Variants in EPS8 observed in about 807,000 individuals in gnomAD.
EPS8 encodes the protein epidermal growth factor receptor kinase substrate 8.
EPS8 carries 42 observed loss-of-function variants against 103.8 expected under a neutral mutation model. The observed-to-expected ratio is 0.40, with a 90% confidence interval of 0.32 to 0.52. The LOEUF is 0.52. EPS8 is among the 20% of genes least tolerant of loss of function. The pLI, the probability that EPS8 is intolerant of heterozygous loss-of-function variation, is 0.40. For synonymous variants in EPS8, 344 were observed against 344.6 expected, an observed-to-expected ratio of 1.00 and a Z score of 0.02; for missense variants, 969 against 1,005.1, an observed-to-expected ratio of 0.96 and a Z score of 0.49.
rs541732262 is a variant in EPS8 at position 15,785,208 on chromosome 12, C to T, written c.-22+3953G>A. Among the ~76,000 whole-genome samples the T allele has an allele frequency of 1.3e-5, 2 of 152,056 alleles. No individual in the cohort carries two copies. The highest frequency in any genetic ancestry group is 2.9e-5 in the Non-Finnish European group (2 of 67,944). ...GTATTATAAATGTGTGCTACAATCT[C>T]ACTGAAAAGGATAGGAGGAAAGGTG... is the stretch of plus-strand genomic sequence containing the variant. On this transcript the variant is annotated intron_variant, in intron 1 of 20. Coordinates refer to ENST00000281172, the MANE Select transcript of EPS8 (RefSeq NM_004447.6). The surrounding 1 kb of genome is among the most constrained non-coding windows in gnomAD (Gnocchi z 4.9).
rs1347584251 is a variant in EPS8, at chr12:15,751,775, T to C, written c.-22+37386A>G. Among the ~76,000 whole-genome samples the C allele has an allele frequency of 6.6e-6, 1 of 152,050 alleles. No individual in the cohort carries two copies. The highest frequency in any genetic ancestry group is 1.9e-4 in the East Asian group (1 of 5,176). The stretch of plus-strand genomic sequence containing the variant: ...TTTCCCTCCTCCTTAGTATCCTTCT[T>C]ACCATACTCTACTTACACCATAGCT... On this transcript the variant is annotated intron_variant, in intron 1 of 20. Coordinates refer to ENST00000281172, the MANE Select transcript of EPS8 (RefSeq NM_004447.6). This position sits in a 1 kb window ranked among gnomAD's most constrained non-coding sequence, Gnocchi z 4.3.
At chr12:15,692,744 T>C (rs532044776) in intron 1 of EPS8, among the ~76,000 whole-genome samples, 1 of 152,008 alleles carries the variant, frequency 6.6e-6, no homozygotes, top group Non-Finnish European at 1.5e-5. Context: ...TTGTAATTTT[T>C]TTTTCTACTT....
intron 17 of EPS8, among the ~76,000 whole-genome samples, chr12:15,632,842 C>T (rs1440629962): frequency 6.6e-6 from 1 of 152,138 alleles, no homozygotes; most frequent in Non-Finnish European, 1.5e-5. Flanking sequence ...CACTTCACGG[C>T]AAATGACTAA....
Position 15,647,213 on chromosome 12 carries a change from A to G in EPS8, c.1482T>C (p.Ser494=), listed in dbSNP as rs75560906. ...EYHPADGYAF[S]SNIYTRGSHL... is the part of the protein sequence containing the mutation. ...GGGATCCTCTTGTGTAAATGTTGCT[A>G]CTGAACGCATAGCCATCGGCTGGAT... The change falls in exon 15 of 21, where the codon AGT becomes AGC. Residue 494 remains serine (S), a synonymous_variant. Coordinates refer to ENST00000281172, the MANE Select transcript of EPS8 (RefSeq NM_004447.6). The G allele has an allele frequency of 5.8e-3, 9,291 of 1,613,874 alleles. 52 individuals carry two copies. The highest frequency in any genetic ancestry group is 6.7e-3 in the Non-Finnish European group (7,952 of 1,179,788).
chr12:15,678,076 T>C (rs2135875308), intron 3 of EPS8, among the ~76,000 whole-genome samples: 1 of 152,310 alleles, frequency 6.6e-6, no homozygotes, highest in Admixed American at 6.5e-5. Flanking sequence ...CTTTTCCATG[T>C]TGTTATATCA....
In EPS8 at chr12:15,650,937, TGGGGGCTCCCA is replaced by T; in HGVS notation, c.1309_1319del (p.Trp437AsnfsTer55). 1 of 1,614,108 alleles carries T rather than the reference TGGGGGCTCCCA, an allele frequency of 6.2e-7. No individual in the cohort carries two copies. The highest frequency in any genetic ancestry group is 8.5e-7 in the Non-Finnish European group (1 of 1,179,958). On this transcript the variant is annotated frameshift_variant, in exon 14 of 21. Coordinates refer to ENST00000281172, the MANE Select transcript of EPS8 (RefSeq NM_004447.6). LOFTEE classifies it high-confidence loss of function. ...TTGTGGCTCCCATAAAGTTCAGCAT[TGGGGGCTCCCA>T]GCCATTGCGGAATCGTGGAACATAT...
chr12:15,701,080 C>T lies in EPS8; in HGVS notation c.-21-18108G>A, dbSNP rs57783000. ...TGATAAACAACCTTATGACTTCAATCTGCTAAATTAACTAATATCTTTGGC... is the reference window on the plus strand; with the variant it reads ...TGATAAACAACCTTATGACTTCAATTTGCTAAATTAACTAATATCTTTGGC... On this transcript the variant is annotated intron_variant, in intron 1 of 20. Coordinates refer to ENST00000281172, the MANE Select transcript of EPS8 (RefSeq NM_004447.6). The surrounding 1 kb of genome is among the most constrained non-coding windows in gnomAD (Gnocchi z 5.1). Among the ~76,000 whole-genome samples, 3 of 152,314 alleles carry T rather than the reference C, an allele frequency of 2.0e-5. No individual in the cohort carries two copies. In the East Asian group the frequency reaches 5.8e-4, roughly 29 times the overall value.
intron 1 of EPS8, among the ~76,000 whole-genome samples, chr12:15,719,929 A>C (rs554199494): frequency 6.6e-6 from 1 of 152,332 alleles, no homozygotes; most frequent in South Asian, 2.1e-4. Context: ...TATGGGCAAA[A>C]AGCCATGGAT....
Position 15,721,109 on chromosome 12 carries a change from C to T in EPS8, c.-21-38137G>A, listed in dbSNP as rs961801348. ...ACCACTGTATCCCCAGCACTTAGTA[C>T]AATAGTTGGCACATAATAGGTGAAG... is the stretch of plus-strand genomic sequence containing the variant. On this transcript the variant is annotated intron_variant, in intron 1 of 20. Transcript: ENST00000281172. This position sits in a 1 kb window ranked among gnomAD's most constrained non-coding sequence, Gnocchi z 4.4. Among the ~76,000 whole-genome samples, 5 of 152,142 alleles carry T rather than the reference C, an allele frequency of 3.3e-5. No homozygotes were observed. Among genetic ancestry groups the T allele is most frequent in the Admixed American group, 6.5e-5 (1 of 15,270 alleles).
Position 15,714,183 on chromosome 12 carries a change from A to T in EPS8, c.-21-31211T>A, listed in dbSNP as rs2135964824. Among the ~76,000 whole-genome samples, 1 of 152,288 alleles carries T rather than the reference A, an allele frequency of 6.6e-6. No individual in the cohort carries two copies. The highest frequency in any genetic ancestry group is 2.4e-5 in the African/African-American group (1 of 41,570). ...AAAATGATTTACTGTGATTATTAAC[A>T]AATATGCCAAACAGAAAATTGAGTG... On this transcript the variant is annotated intron_variant, in intron 1 of 20. Transcript: ENST00000281172. The surrounding 1 kb of genome is among the most constrained non-coding windows in gnomAD (Gnocchi z 4.1).
At chr12:15,782,902 G>A (rs1014164231) in intron 1 of EPS8, among the ~76,000 whole-genome samples, 3 of 152,180 alleles carry the variant, frequency 2.0e-5, no homozygotes, top group Non-Finnish European at 4.4e-5. Context: ...CTCTGCGTGA[G>A]CAGTTCATCT....
Position 15,647,122 on chromosome 12 carries a change from G to A in EPS8, c.1568+5C>T. 1.2e-6 allele frequency: 2 copies of A among 1,612,160 alleles called. No individual in the cohort carries two copies. The highest frequency in any genetic ancestry group is 1.7e-5 in the Admixed American group (1 of 59,728). On this transcript the variant is annotated splice_donor_5th_base_variant and intron_variant, in intron 15 of 20. Transcript: ENST00000281172. ...GCTCTCCAAAGGGTGCCCATTAAAT[G>A]TTACCTATCTATATGGCGATTAGAA...
intron 1 of EPS8, among the ~76,000 whole-genome samples, chr12:15,715,268 G>A (rs906992709): frequency 6.6e-6 from 1 of 152,054 alleles, no homozygotes; most frequent in African/African-American, 2.4e-5. Context: ...CACCCCACAG[G>A]GTCAGATTTT....
intron 14 of EPS8, among the ~76,000 whole-genome samples, chr12:15,650,598 T>C (rs779566110): frequency 1.3e-5 from 2 of 151,826 alleles, no homozygotes; most frequent in Middle Eastern, 3.2e-3. Context: ...TGACAGGCTA[T>C]AGGAGAGCAA....
intron 14 of EPS8, among the ~76,000 whole-genome samples, chr12:15,648,380 G>C (rs1445200654): frequency 6.6e-6 from 1 of 152,138 alleles, no homozygotes; most frequent in African/African-American, 2.4e-5. Context: ...TTGAAACTGG[G>C]AATGTTTCAG....
intron 17 of EPS8, among the ~76,000 whole-genome samples, chr12:15,640,307 C>A (rs1167277012): frequency 6.6e-6 from 1 of 152,170 alleles, no homozygotes; most frequent in East Asian, 1.9e-4. Context: ...AAAGCAAGGG[C>A]TGGTGAAGGT....
chr12:15,763,210 C>G (rs1165414376), intron 1 of EPS8, among the ~76,000 whole-genome samples: 1 of 152,002 alleles, frequency 6.6e-6, no homozygotes, highest in Non-Finnish European at 1.5e-5. Context: ...AGACTATAAT[C>G]ATACCTGGAT....
chr12:15,760,284 T>G lies in EPS8; in HGVS notation c.-22+28877A>C, dbSNP rs555459079. Among the ~76,000 whole-genome samples, 1 of 151,716 alleles carries G rather than the reference T, an allele frequency of 6.6e-6. No homozygotes were observed. Among genetic ancestry groups the G allele is most frequent in the South Asian group, 2.1e-4 (1 of 4,812 alleles). On this transcript the variant is annotated intron_variant, in intron 1 of 20. Transcript: ENST00000281172. This position sits in a 1 kb window ranked among gnomAD's most constrained non-coding sequence, Gnocchi z 4.5. ...ATCCAAAACCTGAACAGACCAAAAA[T>G]AAGTAATAAAATTGAAGGTGTAATA...
chr12:15,621,237 A>G lies in EPS8; in HGVS notation c.*80T>C. The G allele has an allele frequency of 1.5e-6, 1 of 655,630 alleles. No individual in the cohort carries two copies. Among genetic ancestry groups the G allele is most frequent in the Non-Finnish European group, 2.5e-6 (1 of 405,098 alleles). The allele number at this position is 655,630 out of a possible 1,614,324, so 40.6% of individuals were successfully genotyped here. Reference sequence around the variant, plus strand: ...AATTACATCAAGAAAAATGAATCTGACATTCCCTTCAAGGCTTCTTAAAAC... The same window carrying G: ...AATTACATCAAGAAAAATGAATCTGGCATTCCCTTCAAGGCTTCTTAAAAC... On this transcript the variant is annotated 3_prime_UTR_variant, in exon 21 of 21. Coordinates refer to ENST00000281172, the MANE Select transcript of EPS8 (RefSeq NM_004447.6).
Sources: gnomAD v4.1 joint callset for allele counts (sites outside exome capture counted in the v4.1 genomes callset) on GRCh38, gnomAD v4.1.1 for gene constraint, Gnocchi (gnomAD v3.1) non-coding constraint, MANE v1.5 for transcripts, NCBI Gene and HGNC (gene_info 2026-07-23, HGNC 2026-07-21) for gene names.